The following RASAL2 variants were observed in gnomAD, a reference collection of about 807,000 sequenced individuals.
RASAL2 encodes ras GTPase-activating protein nGAP.
Under a neutral mutation model 128.9 loss-of-function variants are expected in RASAL2, and 58 were observed. The ratio of observed to expected loss-of-function variants is 0.45; its 90% CI spans 0.36 to 0.56. The LOEUF is 0.56. Ranked by LOEUF, RASAL2 falls within the 20% of genes least tolerant of loss-of-function variation. The pLI, the probability that RASAL2 is intolerant of heterozygous loss-of-function variation, is 0.00. For synonymous variants in RASAL2, 561 were observed against 580.8 expected (o/e 0.97, Z 0.49); for missense variants, 1,360 against 1,601.6 (o/e 0.85, Z 2.57).
chr1:178,464,537 C>T (rs998134788), intron 15 of RASAL2, 125 bp downstream of exon 15: 3 of 1,053,594 alleles, frequency 2.8e-6, no homozygotes, highest in Admixed American at 2.4e-5. Context: ...TGTTAATCAT[C>T]CTATACATAT....
At chr1:178,166,149 G>A (rs1661509370) in intron 1 of RASAL2, among the ~76,000 whole-genome samples, 2 of 152,132 alleles carry the variant, frequency 1.3e-5, no homozygotes, top group Non-Finnish European at 2.9e-5. Flanking sequence ...ATAAATAAGG[G>A]AGGTCAGAGG....
At chr1:178,226,236 T>C (rs1663780229) in intron 1 of RASAL2, among the ~76,000 whole-genome samples, 1 of 152,194 alleles carries the variant, frequency 6.6e-6, no homozygotes, top group Admixed American at 6.5e-5. Flanking sequence ...CACATTATAA[T>C]GTGAGAAGCA....
At chr1:178,099,539 A>G (rs895574906) in intron 1 of RASAL2, among the ~76,000 whole-genome samples, 3 of 152,212 alleles carry the variant, frequency 2.0e-5, no homozygotes, top group African/African-American at 7.2e-5. Flanking sequence ...TCTACCCTCT[A>G]TCATGTTGGT....
intron 3 of RASAL2, 22 bp from the exon 4 acceptor site, chr1:178,390,077 TC>T: frequency 6.5e-7 from 1 of 1,533,288 alleles, no homozygotes; most frequent in Non-Finnish European, 8.9e-7. Flanking sequence ...TAATGATGTT[TC>T]AACTTTCCTC....
chr1:178,190,482 A>G (rs316281), intron 1 of RASAL2, among the ~76,000 whole-genome samples: 345 of 152,302 alleles, frequency 2.3e-3, no homozygotes, highest in Non-Finnish European at 3.7e-3. Flanking sequence ...TGTAATTCCT[A>G]TCAAATCTTT....
intron 1 of RASAL2, among the ~76,000 whole-genome samples, chr1:178,200,000 C>T (rs958703834): frequency 6.6e-6 from 1 of 152,302 alleles, no homozygotes; most frequent in East Asian, 1.9e-4. Flanking sequence ...CATCGGGCTC[C>T]AGGTTCTTGA....
intron 3 of RASAL2, among the ~76,000 whole-genome samples, chr1:178,374,021 T>G (rs970100738): frequency 6.6e-6 from 1 of 152,148 alleles, no homozygotes; most frequent in African/African-American, 2.4e-5. Context: ...ATAAGTTTAG[T>G]TGCTGAGTGA....
intron 3 of RASAL2, among the ~76,000 whole-genome samples, chr1:178,358,236 C>CT (rs200112388): frequency 2.0e-4 from 11 of 53,904 alleles, no homozygotes; most frequent in South Asian, 1.7e-3. Context: ...ACTCTGTCTC[C>CT]TAAAAAAAAA....
chr1:178,211,949 A>G (rs1485824464), intron 1 of RASAL2, among the ~76,000 whole-genome samples: 2 of 152,246 alleles, frequency 1.3e-5, no homozygotes, highest in East Asian at 3.8e-4. Context: ...ATTTGATAAT[A>G]CAATAAATGC....
intron 3 of RASAL2, among the ~76,000 whole-genome samples, chr1:178,317,520 G>T (rs1352615709): frequency 6.6e-6 from 1 of 150,562 alleles, no homozygotes; most frequent in Non-Finnish European, 1.5e-5. Flanking sequence ...TTTAGTCTTG[G>T]GAGAGTGTAT....
At chr1:178,185,255 T>A (rs1247936398) in intron 1 of RASAL2, among the ~76,000 whole-genome samples, 1 of 149,668 alleles carries the variant, frequency 6.7e-6, no homozygotes, top group East Asian at 1.9e-4. Flanking sequence ...AGTCTTTACA[T>A]TTTTTTTTTC....
chr1:178,422,948 A>G (rs998027519), intron 5 of RASAL2, among the ~76,000 whole-genome samples: 4 of 152,082 alleles, frequency 2.6e-5, no homozygotes, highest in Admixed American at 1.3e-4. Context: ...TATCTTTCCT[A>G]TCTCCCCACA....
chr1:178,104,716 G>A (rs1414869932), intron 1 of RASAL2, among the ~76,000 whole-genome samples: 2 of 151,940 alleles, frequency 1.3e-5, no homozygotes, highest in East Asian at 1.9e-4. Context: ...TACCTTAAAC[G>A]TTACTTAGCA....
intron 1 of RASAL2, among the ~76,000 whole-genome samples, chr1:178,198,565 G>A (rs1379774155): frequency 3.3e-5 from 5 of 152,206 alleles, no homozygotes; most frequent in Non-Finnish European, 5.9e-5. Context: ...TCAGCTGCAG[G>A]TCTGTTGGAG....
chr1:178,391,464 G>A (rs928390090), intron 4 of RASAL2, among the ~76,000 whole-genome samples: 5 of 152,170 alleles, frequency 3.3e-5, no homozygotes, highest in African/African-American at 1.2e-4. Flanking sequence ...TTTTTCAAGA[G>A]AAATCAAAAT....
At chr1:178,397,772 A>AT (rs11358360) in intron 4 of RASAL2, among the ~76,000 whole-genome samples, 177 of 142,512 alleles carry the variant, frequency 1.2e-3, no homozygotes, top group South Asian at 4.1e-3. Flanking sequence ...TACCTGGCTA[A>AT]TTTTTTTTTT....
chr1:178,225,063 T>G (rs1663740383), intron 1 of RASAL2, among the ~76,000 whole-genome samples: 2 of 152,058 alleles, frequency 1.3e-5, no homozygotes, highest in Non-Finnish European at 2.9e-5. Flanking sequence ...TGTTTTTTTA[T>G]TTTTGCTGTT....
chr1:178,175,438 G>GTGTGT (rs960662524), intron 1 of RASAL2, among the ~76,000 whole-genome samples: 2 of 1,354 alleles, frequency 1.5e-3, no homozygotes, highest in African/African-American at 0.014. Context: ...ACATGGTTAC[G>GTGTGT]TGTGTGTGTG....
At chr1:178,321,297 G>T (rs1028031963) in intron 3 of RASAL2, among the ~76,000 whole-genome samples, 2 of 151,930 alleles carry the variant, frequency 1.3e-5, no homozygotes, top group Non-Finnish European at 2.9e-5. Context: ...TGTTGGCCAG[G>T]CTAGTCTCGA....
Sources: allele counts gnomAD v4.1 joint callset (sites outside exome capture counted in the v4.1 genomes callset), GRCh38; gene constraint gnomAD v4.1.1; transcripts MANE v1.5; gene names NCBI Gene and HGNC (gene_info 2026-07-23, HGNC 2026-07-21).